The following GALNT1 variants were observed in gnomAD, a reference collection of about 807,000 sequenced individuals.
The protein encoded by GALNT1 is polypeptide N-acetylgalactosaminyltransferase 1.
In GALNT1, 17 loss-of-function variants were observed where a neutral mutation model predicts 65.7. The observed-to-expected ratio is 0.26, with a 90% CI of 0.18 to 0.39. The LOEUF (loss-of-function observed/expected upper bound fraction) is 0.39, where lower values mean the gene tolerates loss of function less well. Among genes scored for constraint, GALNT1 ranks in the 10% least tolerant of loss-of-function variants. The probability of loss-of-function intolerance (pLI) is 1.00; values close to 1 mark genes in which losing one functional copy is unlikely to be tolerated. For missense variants in GALNT1, 460 were observed against 672.8 expected, an observed-to-expected ratio of 0.68 and a Z score of 3.50; for synonymous variants, 210 against 219.7, an observed-to-expected ratio of 0.96 and a Z score of 0.39.
At chr18:35,600,198 A>G (rs990653601) in intron 1 of GALNT1, among the ~76,000 whole-genome samples, 3 of 152,100 alleles carry the variant, frequency 2.0e-5, no homozygotes, top group African/African-American at 7.2e-5. Context: ...AATTTCTTTC[A>G]TCAGTGTTTT....
At chr18:35,636,815 A>G (rs959251055) in intron 1 of GALNT1, among the ~76,000 whole-genome samples, 1 of 143,418 alleles carries the variant, frequency 7.0e-6, no homozygotes, top group Admixed American at 7.1e-5. Context: ...TTTTCAACAA[A>G]TGGAAAGTTT....
At chr18:35,644,425 A>T (rs2047204047) in intron 1 of GALNT1, among the ~76,000 whole-genome samples, 5 of 152,180 alleles carry the variant, frequency 3.3e-5, no homozygotes, top group Admixed American at 3.3e-4. Context: ...TGGGAATATA[A>T]ATTGAAGCCT....
chr18:35,618,647 A>C (rs914597086), intron 1 of GALNT1, among the ~76,000 whole-genome samples: 2 of 152,066 alleles, frequency 1.3e-5, no homozygotes, highest in African/African-American at 4.8e-5. Context: ...TAGCAGGTTT[A>C]TTTCAGAGTT....
intron 1 of GALNT1, among the ~76,000 whole-genome samples, chr18:35,619,473 C>T (rs2046824818): frequency 6.6e-6 from 1 of 151,988 alleles, no homozygotes; most frequent in Non-Finnish European, 1.5e-5. Flanking sequence ...TTTTTCTCCT[C>T]ACAGATGATC....
rs1453695776 is a variant in GALNT1, at chr18:35,710,424, G to C, written c.*654G>C. On this transcript the variant is annotated 3_prime_UTR_variant, in exon 12 of 12. Transcript: ENST00000269195. ...AATGACATTCATTTTGTTTTCATCT[G>C]TGATAGTCATGGATGCTTTTATTTT... 1 of 152,392 alleles carries C rather than the reference G, an allele frequency of 6.6e-6. No homozygotes were observed. The highest frequency in any genetic ancestry group is 1.5e-5 in the Non-Finnish European group (1 of 67,994). The allele number at this position is 152,392 out of a possible 1,614,324, so 9.4% of individuals were successfully genotyped here. A position where few individuals can be genotyped will look rare whatever the true frequency, so the allele number is the denominator to read the frequency against.
intron 1 of GALNT1, 62 bp downstream of exon 1, chr18:35,581,924 T>C (rs1186267210): frequency 1.3e-5 from 2 of 148,170 alleles, no homozygotes; most frequent in Non-Finnish European, 3.0e-5. Context: ...GGGTCGGAGG[T>C]GGAGAAAGAG....
chr18:35,693,218 C>T (rs1277759329), intron 9 of GALNT1, among the ~76,000 whole-genome samples: 8 of 152,152 alleles, frequency 5.3e-5, no homozygotes, highest in Non-Finnish European at 1.0e-4. Context: ...AGTGAATGAG[C>T]AGGTCATACG....
chr18:35,624,641 T>G (rs1281847471), intron 1 of GALNT1, among the ~76,000 whole-genome samples: 1 of 152,204 alleles, frequency 6.6e-6, no homozygotes, highest in Non-Finnish European at 1.5e-5. Context: ...CTCATTTTAT[T>G]TTAAAGTGAT....
intron 11 of GALNT1, among the ~76,000 whole-genome samples, chr18:35,707,111 C>T (rs2048275251): frequency 6.6e-6 from 1 of 152,118 alleles, no homozygotes; most frequent in Non-Finnish European, 1.5e-5. Flanking sequence ...AGTTTTGAGT[C>T]TTGCTTGTAT....
At position 35,710,204 on chromosome 18, in the gene GALNT1, A is replaced by G. The variant is rs1447039804; in HGVS notation, c.*434A>G. ...TTAGAACTGGTAGCCAGTATATTAA[A>G]TATTGATATAAAAATAAAAGAACTG... On this transcript the variant is annotated 3_prime_UTR_variant, in exon 12 of 12. Coordinates refer to ENST00000269195, the MANE Select transcript of GALNT1 (RefSeq NM_020474.4). 2 of 154,256 alleles carry G rather than the reference A, an allele frequency of 1.3e-5. No individual in the cohort carries two copies. Among genetic ancestry groups the G allele is most frequent in the South Asian group, 2.0e-4 (1 of 4,932 alleles). 9.6% of individuals were successfully genotyped at this position (154,256 alleles called of 1,614,324 possible).
At chr18:35,703,487 G>C in intron 10 of GALNT1, 22 bp from the exon 11 acceptor site, 1 of 1,607,614 alleles carries the variant, frequency 6.2e-7, no homozygotes, top group Non-Finnish European at 8.5e-7. Flanking sequence ...TTCTGTTTAT[G>C]TGTGTGCATT....
intron 5 of GALNT1, among the ~76,000 whole-genome samples, chr18:35,685,919 T>A (rs1052285436): frequency 5.9e-5 from 9 of 151,986 alleles, no homozygotes; most frequent in Non-Finnish European, 1.2e-4. Context: ...ATACAAAAAA[T>A]TAGGCAGTCG....
At position 35,670,658 on chromosome 18, in the gene GALNT1, G is replaced by A. The variant is rs2047621694; in HGVS notation, c.314+6856G>A. ...GACAAGTTGATTCTCAAATGTGACT[G>A]GAAATGCAAAGACCTGGAAGAGCTA... On this transcript the variant is annotated intron_variant, in intron 3 of 11. Transcript: ENST00000269195. Among the ~76,000 whole-genome samples the A allele has an allele frequency of 5.3e-5, 8 of 152,252 alleles. No homozygotes were observed. In the South Asian group the frequency reaches 1.7e-3, roughly 32 times the overall value.
intron 1 of GALNT1, among the ~76,000 whole-genome samples, chr18:35,585,344 C>G (rs2046367828): frequency 6.6e-6 from 1 of 152,186 alleles, no homozygotes; most frequent in Non-Finnish European, 1.5e-5. Flanking sequence ...GGAAGTGCTA[C>G]CTGTTTTTCA....
At chr18:35,639,350 A>G (rs76202141) in intron 1 of GALNT1, among the ~76,000 whole-genome samples, 2,555 of 152,354 alleles carry the variant, frequency 0.017, 37 homozygotes, top group African/African-American at 0.032. Context: ...GAAGGCAAAG[A>G]TGATTGGTAG....
chr18:35,673,395 G>A (rs2047662513), intron 3 of GALNT1, among the ~76,000 whole-genome samples: 2 of 152,172 alleles, frequency 1.3e-5, no homozygotes, highest in Non-Finnish European at 2.9e-5. Flanking sequence ...TTAACTTGTA[G>A]TTCTGTTACT....
At chr18:35,664,194 C>G (rs1429555457) in intron 3 of GALNT1, 1 of 171,426 alleles carries the variant, frequency 5.8e-6, no homozygotes, top group Non-Finnish European at 1.2e-5. Context: ...AACCATCAGC[C>G]AAATCAAGAC....
At chr18:35,598,991 G>A (rs1171586846) in intron 1 of GALNT1, among the ~76,000 whole-genome samples, 3 of 115,052 alleles carry the variant, frequency 2.6e-5, no homozygotes, top group Non-Finnish European at 5.6e-5. Context: ...GTATCCAGGC[G>A]TTTTTTTTTT....
chr18:35,605,879 G>C (rs2046640682), intron 1 of GALNT1, among the ~76,000 whole-genome samples: 1 of 152,080 alleles, frequency 6.6e-6, no homozygotes, highest in African/African-American at 2.4e-5. Context: ...TTTGTTTAAG[G>C]TACTGTTCTT....
Sources: gnomAD v4.1 joint callset for allele counts (sites outside exome capture counted in the v4.1 genomes callset) on GRCh38, gnomAD v4.1.1 for gene constraint, MANE v1.5 for transcripts, NCBI Gene and HGNC (gene_info 2026-07-23, HGNC 2026-07-21) for gene names.